The following HS6ST3 variants were observed in gnomAD, a reference collection of about 807,000 sequenced individuals.
HS6ST3 encodes the protein heparan sulfate 6-O-sulfotransferase 3, also known as heparan-sulfate 6-O-sulfotransferase 3.
A neutral mutation model predicts 36.7 loss-of-function variants in HS6ST3; 12 were observed. The ratio of observed to expected loss-of-function variants is 0.33; its 90% confidence interval spans 0.21 to 0.53. The LOEUF is 0.53. HS6ST3 is among the 20% of genes least tolerant of loss of function. The probability of loss-of-function intolerance (pLI) is 0.95; values close to 1 mark genes in which losing one functional copy is unlikely to be tolerated. For synonymous variants in HS6ST3, 240 were observed against 257.5 expected (o/e 0.93, Z 0.65); for missense variants, 584 against 640.9 (o/e 0.91, Z 0.96).
Position 96,708,332 on chromosome 13 carries a change from A to G in HS6ST3, c.708-124158A>G, listed in dbSNP as rs539803092. On this transcript the variant is annotated intron_variant, in intron 1 of 1. Coordinates refer to ENST00000376705, the MANE Select transcript of HS6ST3 (RefSeq NM_153456.4). The stretch of plus-strand genomic sequence containing the variant: ...GATCATATGAAAATCTGGACCTTCT[A>G]TCTAGAGCATATAAGATGGAATTCT... Among the ~76,000 whole-genome samples, 41 of 152,340 alleles carry G rather than the reference A, an allele frequency of 2.7e-4. 1 individual carries two copies. The highest frequency in any genetic ancestry group is 1.6e-3 in the Admixed American group (25 of 15,302).
chr13:96,170,596 A>G (rs1181609579), intron 1 of HS6ST3, among the ~76,000 whole-genome samples: 1 of 152,172 alleles, frequency 6.6e-6, no homozygotes, highest in Non-Finnish European at 1.5e-5. Context: ...TTCAAAAGCT[A>G]ACACCTGGAG....
intron 1 of HS6ST3, among the ~76,000 whole-genome samples, chr13:96,364,258 G>T (rs76226784): frequency 0.047 from 7,081 of 152,202 alleles, 201 homozygotes; most frequent in Non-Finnish European, 0.067. Context: ...ACTAGCATGT[G>T]ATCTGGCAAA....
intron 1 of HS6ST3, among the ~76,000 whole-genome samples, chr13:96,325,273 C>T (rs762038278): frequency 9.2e-5 from 14 of 152,052 alleles, no homozygotes; most frequent in African/African-American, 2.4e-4. Context: ...ACTCCTTCAG[C>T]GTTTTCTAAG....
chr13:96,096,483 G>A (rs2053791718), intron 1 of HS6ST3, among the ~76,000 whole-genome samples: 1 of 152,072 alleles, frequency 6.6e-6, no homozygotes, highest in Non-Finnish European at 1.5e-5. Flanking sequence ...TGAGTGTGGG[G>A]TATCTTTCTT....
chr13:96,390,258 G>A (rs759080202), intron 1 of HS6ST3, among the ~76,000 whole-genome samples: 3 of 152,078 alleles, frequency 2.0e-5, no homozygotes, highest in Non-Finnish European at 4.4e-5. Flanking sequence ...ATATAAGAAC[G>A]TTAAAGATAT....
intron 1 of HS6ST3, among the ~76,000 whole-genome samples, chr13:96,650,260 A>G (rs1404385126): frequency 6.6e-6 from 1 of 152,124 alleles, no homozygotes; most frequent in African/African-American, 2.4e-5. Context: ...GTTAAGCTGC[A>G]GAAGAACAGG....
intron 1 of HS6ST3, among the ~76,000 whole-genome samples, chr13:96,314,982 G>A (rs1240766192): frequency 6.6e-6 from 1 of 152,108 alleles, no homozygotes; most frequent in African/African-American, 2.4e-5. Flanking sequence ...AAAGCAGAAT[G>A]TGTCAGAAAC....
chr13:96,152,216 TACA>T (rs2054088176), intron 1 of HS6ST3, among the ~76,000 whole-genome samples: 1 of 152,076 alleles, frequency 6.6e-6, no homozygotes, highest in African/African-American at 2.4e-5. Flanking sequence ...TTTTCTGGGA[TACA>T]ACATTTCTTA....
At chr13:96,209,397 G>A (rs1034413291) in intron 1 of HS6ST3, among the ~76,000 whole-genome samples, 4 of 152,102 alleles carry the variant, frequency 2.6e-5, no homozygotes, top group African/African-American at 9.7e-5. Context: ...GATGGTTGGT[G>A]CTCCCCAGCT....
intron 1 of HS6ST3, among the ~76,000 whole-genome samples, chr13:96,245,975 TAAAC>T (rs1324483630): frequency 6.6e-6 from 1 of 152,128 alleles, no homozygotes; most frequent in Non-Finnish European, 1.5e-5. Context: ...TCTGCAAGTG[TAAAC>T]AAACCGAATA....
chr13:96,528,180 G>C (rs2138932590), intron 1 of HS6ST3, among the ~76,000 whole-genome samples: 1 of 152,278 alleles, frequency 6.6e-6, no homozygotes, highest in Middle Eastern at 3.4e-3. Flanking sequence ...GTTATCCCAA[G>C]GAAAAGCACC....
At chr13:96,428,674 C>CA (rs2055599325) in intron 1 of HS6ST3, among the ~76,000 whole-genome samples, 1 of 152,088 alleles carries the variant, frequency 6.6e-6, no homozygotes, top group African/African-American at 2.4e-5. Context: ...GATAGGACTT[C>CA]AATATATGAA....
At chr13:96,256,566 A>C (rs189905716) in intron 1 of HS6ST3, among the ~76,000 whole-genome samples, 2 of 152,216 alleles carry the variant, frequency 1.3e-5, no homozygotes, top group African/African-American at 2.4e-5. Context: ...ACATGCCTGG[A>C]GAGCAGAGAC....
chr13:96,743,463 A>G (rs1249598324), intron 1 of HS6ST3, among the ~76,000 whole-genome samples: 1 of 152,080 alleles, frequency 6.6e-6, no homozygotes, highest in Admixed American at 6.6e-5. Flanking sequence ...CTTTCCCTGG[A>G]GAACATGGTC....
At chr13:96,153,879 T>C (rs193255660) in intron 1 of HS6ST3, among the ~76,000 whole-genome samples, 101 of 152,314 alleles carry the variant, frequency 6.6e-4, no homozygotes, top group African/African-American at 2.4e-3. Context: ...AGTATTAGTA[T>C]ACAGTGCATT....
At chr13:96,242,127 C>T (rs958052917) in intron 1 of HS6ST3, among the ~76,000 whole-genome samples, 6 of 151,792 alleles carry the variant, frequency 4.0e-5, no homozygotes, top group Admixed American at 6.6e-5. Context: ...GGGCCGGGCG[C>T]ATAACTAAAA....
At chr13:96,219,827 G>T (rs982908896) in intron 1 of HS6ST3, among the ~76,000 whole-genome samples, 1 of 152,146 alleles carries the variant, frequency 6.6e-6, no homozygotes, top group African/African-American at 2.4e-5. Context: ...GGGACTACAG[G>T]CGCGTGCCAC....
chr13:96,310,904 C>T (rs2139409061), intron 1 of HS6ST3, among the ~76,000 whole-genome samples: 1 of 152,208 alleles, frequency 6.6e-6, no homozygotes, highest in African/African-American at 2.4e-5. Flanking sequence ...CTGTTGCTTC[C>T]TACTACACCT....
chr13:96,281,294 G>A (rs978725728), intron 1 of HS6ST3, among the ~76,000 whole-genome samples: 21 of 152,128 alleles, frequency 1.4e-4, no homozygotes, highest in East Asian at 1.9e-4. Context: ...GTGAGCCACC[G>A]CGCCTAGCCC....
Sources: gnomAD v4.1 joint callset for allele counts (sites outside exome capture counted in the v4.1 genomes callset) on GRCh38, gnomAD v4.1.1 for gene constraint, MANE v1.5 for transcripts, NCBI Gene and HGNC (gene_info 2026-07-23, HGNC 2026-07-21) for gene names.